The following VPS37A variants were observed in gnomAD, a reference collection of about 807,000 sequenced individuals.
VPS37A encodes vacuolar protein sorting-associated protein 37A.
A neutral mutation model predicts 49.8 loss-of-function variants in VPS37A; 30 were observed. The observed-to-expected ratio is 0.60, with a 90% CI of 0.45 to 0.82. The LOEUF is 0.82. VPS37A is among the 40% of genes least tolerant of loss of function. VPS37A has a pLI of 0.00. For synonymous variants in VPS37A, 195 were observed against 160.6 expected (o/e 1.21, Z -1.62); for missense variants, 593 against 464.4 (o/e 1.28, Z -2.55).
chr8:17,254,127 C>G (rs1812219065), intron 1 of VPS37A, among the ~76,000 whole-genome samples: 3 of 151,926 alleles, frequency 2.0e-5, no homozygotes, highest in Admixed American at 2.0e-4. Flanking sequence ...TTTATTCAAA[C>G]CTTTATGACG....
At chr8:17,325,601 C>A in the VPS37A span, among the ~76,000 whole-genome samples, 1 of 152,176 alleles carries the variant, frequency 6.6e-6, no homozygotes, top group Non-Finnish European at 1.5e-5. Context: ...GGGCCTGCGT[C>A]CCACATGCTC....
intron 3 of VPS37A, 69 bp from the exon 4 acceptor site, chr8:17,268,787 A>G: frequency 5.7e-6 from 6 of 1,043,794 alleles, no homozygotes; most frequent in South Asian, 4.2e-5. Context: ...TTAGAGTGAC[A>G]TTATCCTAAT....
chr8:17,299,789 T>A (rs78115239), downstream of VPS37A: 7,738 of 1,561,810 alleles, frequency 5.0e-3, 340 homozygotes, highest in African/African-American at 0.094. Flanking sequence ...GTTTTTACAA[T>A]AAACCACCTT....
chr8:17,298,780 A>G (rs1202312103), downstream of VPS37A: 3 of 152,596 alleles, frequency 2.0e-5, no homozygotes, highest in Admixed American at 1.3e-4. Flanking sequence ...CTCATAAGAT[A>G]GGGGAGGGAC....
intron 1 of VPS37A, chr8:17,247,670 C>T (rs1270384330): frequency 1.4e-6 from 1 of 703,482 alleles, no homozygotes; most frequent in Non-Finnish European, 2.6e-6. Flanking sequence ...TTCCAGTATC[C>T]CTTGCTGCCC....
At chr8:17,306,419 G>T (rs1817459033), downstream of VPS37A, among the ~76,000 whole-genome samples, 1 of 151,642 alleles carries the variant, frequency 6.6e-6, no homozygotes, top group Non-Finnish European at 1.5e-5. Context: ...TTCCCAAGTT[G>T]CCAAGAATAT....
the VPS37A span, among the ~76,000 whole-genome samples, chr8:17,316,133 G>T: frequency 6.6e-6 from 1 of 152,138 alleles, no homozygotes; most frequent in African/African-American, 2.4e-5. Context: ...TACTAGCTAT[G>T]TGGGCTTGGG....
At chr8:17,285,127 C>T (rs1815470718) in intron 10 of VPS37A, among the ~76,000 whole-genome samples, 1 of 152,030 alleles carries the variant, frequency 6.6e-6, no homozygotes, top group Non-Finnish European at 1.5e-5. Context: ...TAGCACATTA[C>T]TGAACTGGAG....
At chr8:17,263,071 A>T (rs1813109428) in intron 1 of VPS37A, among the ~76,000 whole-genome samples, 1 of 152,120 alleles carries the variant, frequency 6.6e-6, no homozygotes, top group Non-Finnish European at 1.5e-5. Context: ...AAAAAAAAAA[A>T]AAAAGATATT....
the VPS37A span, among the ~76,000 whole-genome samples, chr8:17,329,217 A>C: frequency 6.6e-6 from 1 of 152,210 alleles, no homozygotes; most frequent in Middle Eastern, 3.2e-3. Flanking sequence ...TGTTTGAAGG[A>C]GGAAAAGCCT....
chr8:17,271,033 C>G (rs1480334939), intron 4 of VPS37A, among the ~76,000 whole-genome samples: 2 of 152,178 alleles, frequency 1.3e-5, no homozygotes, highest in Admixed American at 6.5e-5. Context: ...AGGAAGCACA[C>G]AGGAGCCACT....
At chr8:17,314,167 T>A in the VPS37A span, among the ~76,000 whole-genome samples, 1 of 152,196 alleles carries the variant, frequency 6.6e-6, no homozygotes, top group Non-Finnish European at 1.5e-5. Flanking sequence ...AGAGCTAGTG[T>A]TCTGAGTACA....
At chr8:17,254,705 G>A (rs1812280679) in intron 1 of VPS37A, among the ~76,000 whole-genome samples, 1 of 151,074 alleles carries the variant, frequency 6.6e-6, no homozygotes, top group Admixed American at 6.6e-5. Flanking sequence ...AAATTTATCT[G>A]TATATGGTAG....
At chr8:17,307,363 G>A (rs550267297), downstream of VPS37A, among the ~76,000 whole-genome samples, 104 of 152,228 alleles carry the variant, frequency 6.8e-4, no homozygotes, top group South Asian at 0.011. Flanking sequence ...TTAGAATGGC[G>A]ATCATTAAAA....
the VPS37A span, among the ~76,000 whole-genome samples, chr8:17,331,960 T>G: frequency 6.6e-6 from 1 of 152,218 alleles, no homozygotes; most frequent in Admixed American, 6.5e-5. Context: ...AAGTGCAAAC[T>G]AGGTTAAGTC....
intron 9 of VPS37A, among the ~76,000 whole-genome samples, chr8:17,282,942 A>G (rs1343455005): frequency 6.6e-6 from 1 of 152,204 alleles, no homozygotes; most frequent in East Asian, 1.9e-4. Flanking sequence ...AGTGGTTGGC[A>G]CATAATAGGT....
chr8:17,298,876 A>C (rs141720261), downstream of VPS37A: 3,242 of 152,356 alleles, frequency 0.021, 49 homozygotes, highest in Non-Finnish European at 0.033. Flanking sequence ...ACTAAGGTTA[A>C]TTAAACCATA....
Position 17,246,986 on chromosome 8 carries a change from G to C in VPS37A, c.-259G>C. ...GGGCGGCCAGGCTCCCTGGCTGGCCGGTTTGGGCGTCTGGGCCGTGAAGGT... is the reference window on the plus strand; with the variant it reads ...GGGCGGCCAGGCTCCCTGGCTGGCCCGTTTGGGCGTCTGGGCCGTGAAGGT... On this transcript the variant is annotated 5_prime_UTR_variant, in exon 1 of 12. Transcript: ENST00000324849. The C allele has an allele frequency of 4.1e-6, 2 of 492,444 alleles. No individual in the cohort carries two copies. The allele number at this position is 492,444 out of a possible 1,614,324, so 30.5% of individuals were successfully genotyped here. A position where few individuals can be genotyped will look rare whatever the true frequency, so the allele number is the denominator to read the frequency against.
At chr8:17,299,979 G>A (rs1817002950), downstream of VPS37A, 1 of 1,614,008 alleles carries the variant, frequency 6.2e-7, no homozygotes, top group African/African-American at 1.3e-5. Flanking sequence ...CGGACTCTTG[G>A]TCACTGTTGG....
Sources: gnomAD v4.1 joint callset for allele counts (sites outside exome capture counted in the v4.1 genomes callset) on GRCh38, gnomAD v4.1.1 for gene constraint, MANE v1.5 for transcripts, NCBI Gene and HGNC (gene_info 2026-07-23, HGNC 2026-07-21) for gene names.